Variants in CENPE observed in about 807,000 individuals in gnomAD.
CENPE encodes centromere-associated protein E.
Under a neutral mutation model 336.1 loss-of-function variants are expected in CENPE, and 145 were observed. The observed-to-expected ratio is 0.43, with a 90% CI of 0.38 to 0.50. CENPE has a LOEUF of 0.50. CENPE is among the 20% of genes least tolerant of loss of function. The probability of loss-of-function intolerance (pLI) is 0.00; values close to 1 mark genes in which losing one functional copy is unlikely to be tolerated. For missense variants in CENPE, 2,719 were observed against 3,023.3 expected (o/e 0.90, Z 2.36); for synonymous variants, 1,013 against 984.8 (o/e 1.03, Z -0.54).
chr4:103,151,162 AC>A, intron 26 of CENPE, 56 bp downstream of exon 26: 2 of 1,511,508 alleles, frequency 1.3e-6, no homozygotes, highest in African/African-American at 2.8e-5. Context: ...AATAAAAATT[AC>A]CAAAAAAAAA....
rs749535188 is a variant in CENPE at position 103,151,208 on chromosome 4, T to C, written c.3396+11A>G. Reference sequence around the variant, plus strand: ...GAAAAAATGGCCAGGGAAATAACTTTAAAAATTCACCTTTTCCTTTAGTTT... The same window carrying C: ...GAAAAAATGGCCAGGGAAATAACTTCAAAAATTCACCTTTTCCTTTAGTTT... On this transcript the variant is annotated intron_variant, in intron 26 of 48. Coordinates refer to ENST00000265148, the MANE Select transcript of CENPE (RefSeq NM_001813.3). The C allele has an allele frequency of 1.9e-6, 3 of 1,583,332 alleles. No individual in the cohort carries two copies. Among genetic ancestry groups the C allele is most frequent in the Non-Finnish European group, 2.6e-6 (3 of 1,172,844 alleles).
chr4:103,149,100 G>A lies in CENPE; in HGVS notation c.3687+18C>T, dbSNP rs1753318894. ...TAAAAGAAACACTTAATAGATGAAG[G>A]AAAAGGGTATAACTTACTGTAGCTT... On this transcript the variant is annotated intron_variant, in intron 27 of 48. Coordinates refer to ENST00000265148, the MANE Select transcript of CENPE (RefSeq NM_001813.3). 1 of 1,580,900 alleles carries A rather than the reference G, an allele frequency of 6.3e-7. No homozygotes were observed. Among genetic ancestry groups the A allele is most frequent in the Admixed American group, 1.9e-5 (1 of 52,522 alleles).
intron 16 of CENPE, 102 bp downstream of exon 16, chr4:103,174,634 G>A: frequency 1.3e-6 from 1 of 783,818 alleles, no homozygotes; most frequent in Non-Finnish European, 1.9e-6. Flanking sequence ...AATGTTATCT[G>A]TACATTTAAA....
At chr4:103,112,656 G>GTA (rs1156495119) in intron 46 of CENPE, among the ~76,000 whole-genome samples, 1 of 131,952 alleles carries the variant, frequency 7.6e-6, no homozygotes, top group Non-Finnish European at 1.5e-5. Context: ...ATACTTATAA[G>GTA]TATATATAAG....
intron 38 of CENPE, among the ~76,000 whole-genome samples, chr4:103,139,456 A>G (rs1053416618): frequency 1.1e-4 from 17 of 152,162 alleles, no homozygotes; most frequent in African/African-American, 3.9e-4. Flanking sequence ...AGAAATGGGA[A>G]TATTTGCTCT....
intron 43 of CENPE, among the ~76,000 whole-genome samples, chr4:103,120,937 C>T (rs372916049): frequency 1.4e-4 from 22 of 152,144 alleles, no homozygotes; most frequent in Admixed American, 7.2e-4. Context: ...GGTTTCACCA[C>T]GTTGGCCAGG....
At position 103,136,312 on chromosome 4, in the gene CENPE, C is replaced by T. The variant is rs186051093; in HGVS notation, c.6351G>A (p.Leu2117=). ...TCTCCAAGTCAAGAGACAATCTATT[C>T]AAGCACTCATAATGATCATCCATCT... ...YSEMDDHYEC[L]NRLSLDLEKE... Residue 2117 remains leucine (L), a synonymous_variant, in exon 40 of 49, where the codon TTG becomes TTA. Transcript: ENST00000265148. 8.7e-6 allele frequency: 14 copies of T among 1,612,924 alleles called. No individual in the cohort carries two copies. The Admixed American group carries it at 1.8e-4, about 21-fold the overall frequency.
Position 103,123,099 on chromosome 4 carries a change from A to C in CENPE, c.6925-10T>G. On this transcript the variant is annotated splice_polypyrimidine_tract_variant and intron_variant, in intron 42 of 48. Coordinates refer to ENST00000265148, the MANE Select transcript of CENPE (RefSeq NM_001813.3). ...ATTCATTCATTATGGCCTATTGAAC[A>C]GTAAAATACCATTATAGCTCTAAAA... 1 of 1,593,882 alleles carries C rather than the reference A, an allele frequency of 6.3e-7. No individual in the cohort carries two copies. The highest frequency in any genetic ancestry group is 8.6e-7 in the Non-Finnish European group (1 of 1,162,096).
intron 43 of CENPE, among the ~76,000 whole-genome samples, chr4:103,121,201 C>T (rs1750589969): frequency 6.6e-6 from 1 of 152,120 alleles, no homozygotes; most frequent in African/African-American, 2.4e-5. Context: ...ACCAAATATA[C>T]ATGAATATAT....
At chr4:103,177,706 C>T (rs1755991597) in intron 13 of CENPE, among the ~76,000 whole-genome samples, 1 of 151,920 alleles carries the variant, frequency 6.6e-6, no homozygotes, top group Non-Finnish European at 1.5e-5. Flanking sequence ...ACCATTCCGT[C>T]ACATTGCCTC....
chr4:103,137,088 C>T (rs550613621), intron 39 of CENPE, among the ~76,000 whole-genome samples: 26 of 152,034 alleles, frequency 1.7e-4, no homozygotes, highest in African/African-American at 6.3e-4. Flanking sequence ...GTTTCTATAC[C>T]CAAGTTTTGA....
In CENPE at chr4:103,159,074, T is replaced by C. The variant is rs751555320; in HGVS notation, c.2537A>G (p.Glu846Gly). ...VLEENERMNQ[E>G]IVNLSKEAQK... is the part of the protein sequence containing the mutation. ...GGCTTCTTTAGAGAGATTAACTATTTCCTGATTCATTCTCTCATTCTCCTC... is the reference window on the plus strand; with the variant it reads ...GGCTTCTTTAGAGAGATTAACTATTCCCTGATTCATTCTCTCATTCTCCTC... Residue 846 changes from glutamate to glycine, a missense_variant, in exon 22 of 49, where the codon GAA becomes GGA. This residue lies in a region of CENPE where 2,437 missense variants were observed against 2,513.3 expected (regional missense o/e 0.97). Coordinates refer to ENST00000265148, the MANE Select transcript of CENPE (RefSeq NM_001813.3). 1 of 1,561,440 alleles carries C rather than the reference T, an allele frequency of 6.4e-7. No homozygotes were observed. The highest frequency in any genetic ancestry group is 8.6e-7 in the Non-Finnish European group (1 of 1,160,878).
intron 25 of CENPE, among the ~76,000 whole-genome samples, chr4:103,152,830 T>G (rs111317060): frequency 1.3e-5 from 2 of 152,246 alleles, no homozygotes; most frequent in East Asian, 3.9e-4. Flanking sequence ...GGGTCTGTGA[T>G]AGAGGTGTGA....
chr4:103,140,799 G>C lies in CENPE; in HGVS notation c.5754+15C>G. 7.0e-6 allele frequency: 11 copies of C among 1,561,906 alleles called. No individual in the cohort carries two copies. The highest frequency in any genetic ancestry group is 8.6e-6 in the Non-Finnish European group (10 of 1,160,678). On this transcript the variant is annotated intron_variant, in intron 36 of 48. Coordinates refer to ENST00000265148, the MANE Select transcript of CENPE (RefSeq NM_001813.3). ...TGTGAATATAATGGTAGGGTAAAGA[G>C]AGAACACAACTCACTCTAGCTTTGG...
intron 4 of CENPE, among the ~76,000 whole-genome samples, chr4:103,195,529 A>G (rs1474117288): frequency 1.3e-5 from 2 of 152,050 alleles, no homozygotes; most frequent in East Asian, 1.9e-4. Flanking sequence ...TTTGAAACCA[A>G]CTAACTCGGT....
intron 8 of CENPE, among the ~76,000 whole-genome samples, chr4:103,189,631 G>A (rs1366551750): frequency 1.3e-5 from 2 of 152,146 alleles, no homozygotes; most frequent in Non-Finnish European, 2.9e-5. Flanking sequence ...AGGTATTGAT[G>A]GGACGTATCT....
In CENPE at chr4:103,196,745, T is replaced by C. The variant is rs1440879489; in HGVS notation, c.148+14A>G. 8.1e-7 allele frequency: 1 copy of C among 1,240,616 alleles called. No homozygotes were observed. Among genetic ancestry groups the C allele is most frequent in the Non-Finnish European group, 1.2e-6 (1 of 858,512 alleles). 76.9% of individuals were successfully genotyped at this position (1,240,616 alleles called of 1,614,324 possible). A position where few individuals can be genotyped will look rare whatever the true frequency, so the allele number is the denominator to read the frequency against. On this transcript the variant is annotated intron_variant, in intron 2 of 48. Transcript: ENST00000265148. ...AGGATAACAAGGTAACTTTTGATGC[T>C]ATTATAAGCTTACCAAAATTGAAGG...
intron 22 of CENPE, 57 bp from the exon 23 acceptor site, chr4:103,158,943 C>T (rs1414257583): frequency 6.5e-7 from 1 of 1,546,162 alleles, no homozygotes; most frequent in Non-Finnish European, 8.7e-7. Context: ...CTGAGGCATA[C>T]ATATATACAG....
At chr4:103,143,595 A>G (rs544981770) in intron 33 of CENPE, among the ~76,000 whole-genome samples, 189 bp from the exon 34 acceptor site, 1 of 147,290 alleles carries the variant, frequency 6.8e-6, no homozygotes, top group East Asian at 2.0e-4. Context: ...GTTCCCTAAC[A>G]GGACACTTCA....
Sources: gnomAD v4.1 joint callset for allele counts (sites outside exome capture counted in the v4.1 genomes callset) on GRCh38, gnomAD v4.1.1 for gene constraint, gnomAD v4.1.1 regional missense constraint, MANE v1.5 for transcripts, NCBI Gene and HGNC (gene_info 2026-07-23, HGNC 2026-07-21) for gene names.